The following COL22A1 variants were observed in gnomAD, a reference collection of about 807,000 sequenced individuals.
COL22A1 encodes collagen type XXII alpha 1 chain.
COL22A1 carries 221 observed loss-of-function variants against 248.9 expected under a neutral mutation model. That is an observed-to-expected ratio of 0.89 (90% CI 0.80 to 0.99). The LOEUF is 0.99. Among genes scored for constraint, COL22A1 ranks in the 50% least tolerant of loss-of-function variants. The pLI is 0.00. For missense variants in COL22A1, 2,240 were observed against 2,179.0 expected (o/e 1.03, Z -0.56); for synonymous variants, 891 against 793.4 (o/e 1.12, Z -2.07).
At chr8:138,762,223 C>T (rs1251125673) in intron 17 of COL22A1, among the ~76,000 whole-genome samples, 190 bp downstream of exon 17, 1 of 152,128 alleles carries the variant, frequency 6.6e-6, no homozygotes, top group South Asian at 2.1e-4. Context: ...GGGATCCCTC[C>T]AGCTCTGGGG....
intron 61 of COL22A1, 92 bp downstream of exon 61, chr8:138,598,627 T>C: frequency 8.0e-7 from 1 of 1,249,690 alleles, no homozygotes; most frequent in South Asian, 1.5e-5. Context: ...GACTGGGATC[T>C]GTAAACTGGT....
intron 3 of COL22A1, among the ~76,000 whole-genome samples, chr8:138,850,967 G>A (rs1361686629): frequency 6.6e-6 from 1 of 152,192 alleles, no homozygotes; most frequent in East Asian, 1.9e-4. Flanking sequence ...ACACGTCTCA[G>A]TGCAAGGAAC....
At chr8:138,870,665 A>T (rs1422611227) in intron 3 of COL22A1, among the ~76,000 whole-genome samples, 1 of 151,022 alleles carries the variant, frequency 6.6e-6, no homozygotes, top group African/African-American at 2.4e-5. Flanking sequence ...GGCGTGTGCA[A>T]AACGTGTATT....
intron 1 of COL22A1, among the ~76,000 whole-genome samples, chr8:138,901,922 C>T (rs1814606000): frequency 6.6e-6 from 1 of 152,004 alleles, no homozygotes. Flanking sequence ...ACCTGCACTC[C>T]CCTGCTCCCC....
chr8:138,679,138 G>A (rs1029565397), intron 40 of COL22A1, among the ~76,000 whole-genome samples: 1 of 152,028 alleles, frequency 6.6e-6, no homozygotes, highest in Non-Finnish European at 1.5e-5. Context: ...GGCTAGTCTC[G>A]AACTTCTGAA....
chr8:138,870,188 C>A (rs1184630685), intron 3 of COL22A1, among the ~76,000 whole-genome samples: 2 of 150,562 alleles, frequency 1.3e-5, no homozygotes, highest in Non-Finnish European at 3.0e-5. Context: ...CGTACATGGC[C>A]AATGGTGTGT....
chr8:138,736,002 G>A (rs186480585), intron 23 of COL22A1, among the ~76,000 whole-genome samples: 3 of 152,200 alleles, frequency 2.0e-5, no homozygotes, highest in Non-Finnish European at 2.9e-5. Flanking sequence ...AGGACCAAAC[G>A]GAAGAGCCCA....
chr8:138,712,338 T>A (rs1186242458), intron 30 of COL22A1, among the ~76,000 whole-genome samples: 1 of 152,106 alleles, frequency 6.6e-6, no homozygotes, highest in Non-Finnish European at 1.5e-5. Context: ...GTTTATAAAG[T>A]TGCCGTGGAA....
At chr8:138,701,532 C>T (rs1401835064) in intron 31 of COL22A1, among the ~76,000 whole-genome samples, 2 of 152,192 alleles carry the variant, frequency 1.3e-5, no homozygotes, top group Non-Finnish European at 2.9e-5. Context: ...TTAACTATTT[C>T]CTATATATTT....
chr8:138,724,321 G>T (rs1830130300), intron 25 of COL22A1, among the ~76,000 whole-genome samples: 1 of 152,214 alleles, frequency 6.6e-6, no homozygotes, highest in Non-Finnish European at 1.5e-5. Context: ...CAGCAGCAAA[G>T]GACTCTTGAA....
chr8:138,716,960 C>T (rs917404865), intron 27 of COL22A1, 91 bp from the exon 28 acceptor site: 5 of 958,500 alleles, frequency 5.2e-6, no homozygotes, highest in African/African-American at 4.8e-5. Flanking sequence ...ATTCATAGCA[C>T]CTGCCAGCCA....
chr8:138,688,917 C>T lies in COL22A1; in HGVS notation c.2862G>A (p.Lys954=). ...TGCTGAGAGATCATATTGGTCTTACCTTCTCACCACGCTCCCCATCTTTCC... is the reference window on the plus strand; with the variant it reads ...TGCTGAGAGATCATATTGGTCTTACTTTCTCACCACGCTCCCCATCTTTCC... ...TPGKDGERGE[K]GAAGEEGSPG... The change falls in exon 37 of 65, where the codon AAG becomes AAA. Residue 954 remains lysine (K), a splice_region_variant and synonymous_variant. Transcript: ENST00000303045. 1 of 1,612,510 alleles carries T rather than the reference C, an allele frequency of 6.2e-7. No homozygotes were observed. The highest frequency in any genetic ancestry group is 8.5e-7 in the Non-Finnish European group (1 of 1,178,594).
At chr8:138,647,092 C>A (rs1044458340) in intron 46 of COL22A1, among the ~76,000 whole-genome samples, 1 of 152,168 alleles carries the variant, frequency 6.6e-6, no homozygotes, top group African/African-American at 2.4e-5. Context: ...TACCATCCCC[C>A]GCCCCCCACC....
intron 39 of COL22A1, among the ~76,000 whole-genome samples, chr8:138,680,039 C>T (rs1825842028): frequency 6.6e-6 from 1 of 152,154 alleles, no homozygotes; most frequent in African/African-American, 2.4e-5. Context: ...GTGATGCTAA[C>T]AAATTCCCCC....
At chr8:138,835,785 AC>A (rs2131832767) in intron 4 of COL22A1, among the ~76,000 whole-genome samples, 1 of 152,146 alleles carries the variant, frequency 6.6e-6, no homozygotes, top group Admixed American at 6.5e-5. Context: ...ACGAGCCTCA[AC>A]CTCTCTGGGC....
At position 138,642,538 on chromosome 8, in the gene COL22A1, T is replaced by C. The variant is rs141651459; in HGVS notation, c.3501+4091A>G. 6.8e-4 allele frequency among the ~76,000 whole-genome samples: 104 copies of C among 152,312 alleles called. No homozygotes were observed. The East Asian group carries it at 0.019, about 28-fold the overall frequency. On this transcript the variant is annotated intron_variant, in intron 47 of 64. Coordinates refer to ENST00000303045, the MANE Select transcript of COL22A1 (RefSeq NM_152888.3). ...TGCAGCACTAATTGTTGTTCTTTTT[T>C]TCTGGATGGAAGCTTTCTGTTCTCA...
chr8:138,844,041 CA>C, intron 4 of COL22A1, 42 bp downstream of exon 4: 1 of 1,564,678 alleles, frequency 6.4e-7, no homozygotes, highest in Non-Finnish European at 8.8e-7. Context: ...CTCAGCAAAT[CA>C]TACACCAAAG....
At chr8:138,717,170 C>A (rs36058253) in intron 27 of COL22A1, among the ~76,000 whole-genome samples, 2 of 151,724 alleles carry the variant, frequency 1.3e-5, no homozygotes, top group Non-Finnish European at 2.9e-5. Context: ...TTTTTTGAGA[C>A]GGAGTCTCAC....
chr8:138,726,579 G>C (rs556235062), intron 23 of COL22A1, among the ~76,000 whole-genome samples: 39 of 152,160 alleles, frequency 2.6e-4, no homozygotes, highest in Middle Eastern at 3.4e-3. Context: ...GGGGGTCCTG[G>C]GACACCAGGT....
Sources: gnomAD v4.1 joint callset for allele counts (sites outside exome capture counted in the v4.1 genomes callset) on GRCh38, gnomAD v4.1.1 for gene constraint, MANE v1.5 for transcripts, NCBI Gene and HGNC (gene_info 2026-07-23, HGNC 2026-07-21) for gene names.